Variants in CFAP46 observed in about 807,000 individuals in gnomAD.
CFAP46 encodes cilia and flagella associated protein 46.
Under a neutral mutation model 325.7 loss-of-function variants are expected in CFAP46, and 245 were observed. The ratio of observed to expected loss-of-function variants is 0.75; its 90% CI spans 0.68 to 0.84. CFAP46 has a LOEUF of 0.84. CFAP46 is among the 40% of genes least tolerant of loss of function. The pLI is 0.00. For missense variants in CFAP46, 3,346 were observed against 3,543.0 expected (o/e 0.94, Z 1.41); for synonymous variants, 1,523 against 1,495.9 (o/e 1.02, Z -0.42).
intron 11 of CFAP46, among the ~76,000 whole-genome samples, chr10:132,924,116 G>A (rs1240564732): frequency 2.0e-5 from 3 of 151,996 alleles, no homozygotes; most frequent in South Asian, 2.1e-4. Flanking sequence ...GCCACCCTGG[G>A]CCCAGGCTCT....
Position 132,924,906 on chromosome 10 carries a change from G to C in CFAP46, c.1066-20C>G. On this transcript the variant is annotated intron_variant, in intron 10 of 57. Coordinates refer to ENST00000368586, the MANE Select transcript of CFAP46 (RefSeq NM_001200049.3). Reference sequence around the variant, plus strand: ...CTGGGCCTGCGGAGAAGACGTGGGGGATTCTAGGGAGGTTGCTGGCTCGAG... The same window carrying C: ...CTGGGCCTGCGGAGAAGACGTGGGGCATTCTAGGGAGGTTGCTGGCTCGAG... 1 of 1,365,480 alleles carries C rather than the reference G, an allele frequency of 7.3e-7. No homozygotes were observed. The highest frequency in any genetic ancestry group is 9.5e-7 in the Non-Finnish European group (1 of 1,052,484). The allele number at this position is 1,365,480 out of a possible 1,614,324, so 84.6% of individuals were successfully genotyped here. A position where few individuals can be genotyped will look rare whatever the true frequency, so the allele number is the denominator to read the frequency against.
chr10:132,927,167 G>T (rs575275398), intron 9 of CFAP46, among the ~76,000 whole-genome samples: 8 of 152,188 alleles, frequency 5.3e-5, no homozygotes, highest in Non-Finnish European at 1.2e-4. Context: ...CACCCCGCTC[G>T]AGGGGTGACA....
rs1053272877 is a variant in CFAP46 at position 132,867,575 on chromosome 10, C to A, written c.4611-68G>T. 8.0e-6 allele frequency: 12 copies of A among 1,504,574 alleles called. No homozygotes were observed. In the African/African-American group the frequency reaches 1.7e-4, roughly 21 times the overall value. The allele number at this position is 1,504,574 out of a possible 1,614,324, so 93.2% of individuals were successfully genotyped here. On this transcript the variant is annotated intron_variant, in intron 33 of 57. Transcript: ENST00000368586. ...ACGAAAATGTCCCTTCACGAGTAAC[C>A]AAAGAAACGCAAACGAAAACAGCCA...
chr10:132,824,149 G>C (rs1847973153), intron 50 of CFAP46, among the ~76,000 whole-genome samples: 1 of 144,766 alleles, frequency 6.9e-6, no homozygotes, highest in South Asian at 2.3e-4. Context: ...GCTGATGTGT[G>C]CTGTGTGTGT....
chr10:132,862,096 C>T (rs1232220068), intron 35 of CFAP46, among the ~76,000 whole-genome samples: 1 of 152,234 alleles, frequency 6.6e-6, no homozygotes, highest in Non-Finnish European at 1.5e-5. Context: ...GGGCCTGGGC[C>T]CATAGCAGCC....
intron 44 of CFAP46, among the ~76,000 whole-genome samples, chr10:132,839,683 C>T (rs780068935): frequency 6.6e-6 from 1 of 152,178 alleles, no homozygotes; most frequent in Non-Finnish European, 1.5e-5. Flanking sequence ...AGGACATTTG[C>T]TTCTATCTTA....
At chr10:132,891,632 C>CT (rs893699220) in intron 25 of CFAP46, among the ~76,000 whole-genome samples, 1 of 152,202 alleles carries the variant, frequency 6.6e-6, no homozygotes, top group Admixed American at 6.5e-5. Flanking sequence ...CTCTCCAGGG[C>CT]TTTTCCCTGA....
chr10:132,908,953 G>A (rs1304688259), intron 21 of CFAP46, among the ~76,000 whole-genome samples, 184 bp downstream of exon 21: 3 of 152,250 alleles, frequency 2.0e-5, no homozygotes, highest in Non-Finnish European at 2.9e-5. Flanking sequence ...AGACAGGGAT[G>A]CTCTGAGCAT....
rs142848083 is a variant in CFAP46 at position 132,880,783 on chromosome 10, C to T, written c.3799+78G>A. On this transcript the variant is annotated intron_variant, in intron 28 of 57. Transcript: ENST00000368586. ...GCACAGACACATGGATACCCAACGGCGGTCCAGATCACGGAGCAGGAAGCA... is the reference window on the plus strand; with the variant it reads ...GCACAGACACATGGATACCCAACGGTGGTCCAGATCACGGAGCAGGAAGCA... 1,684 of 1,472,320 alleles carry T rather than the reference C, an allele frequency of 1.1e-3. 12 individuals are homozygous for T. The African/African-American group carries it at 0.02, about 17-fold the overall frequency. 91.2% of individuals were successfully genotyped at this position (1,472,320 alleles called of 1,614,324 possible).
rs560833032 is a variant in CFAP46 at position 132,821,093 on chromosome 10, G to C, written c.7118-6179C>G. 2.4e-3 allele frequency among the ~76,000 whole-genome samples: 282 copies of C among 117,332 alleles called. 2 individuals are homozygous for C. The highest frequency in any genetic ancestry group is 8.4e-3 in the African/African-American group (262 of 31,364). The allele number at this position is 117,332 out of a possible 152,430, so 77.0% of individuals were successfully genotyped here. A position where few individuals can be genotyped will look rare whatever the true frequency, so the allele number is the denominator to read the frequency against. Reference sequence around the variant, plus strand: ...GCTGATGTGTGCTGTGTGTGCTGATGTGTGCTTTGTGTGTGCTGATGTGTG... The same window carrying C: ...GCTGATGTGTGCTGTGTGTGCTGATCTGTGCTTTGTGTGTGCTGATGTGTG... On this transcript the variant is annotated intron_variant, in intron 50 of 57. Transcript: ENST00000368586.
rs762848216 is a variant in CFAP46, at chr10:132,851,302, G to C, written c.5578C>G (p.Gln1860Glu). The change falls in exon 40 of 58, where the codon CAG becomes GAG. Residue 1860 changes from glutamine to glutamate, a missense_variant. Gln to Glu is a conservative substitution (Grantham distance 29, BLOSUM62 2). Transcript: ENST00000368586. ...VQGLLSLQDL[Q>E]NVNTPLMRKL... ...CTCATCAGGGGCGTGTTGACGTTCT[G>C]CAACTGAGGGGGTCAGGCATGCCTC... 1 of 1,613,128 alleles carries C rather than the reference G, an allele frequency of 6.2e-7. No homozygotes were observed. Among genetic ancestry groups the C allele is most frequent in the African/African-American group, 1.3e-5 (1 of 75,038 alleles).
chr10:132,925,144 A>G (rs1009553132), intron 10 of CFAP46, among the ~76,000 whole-genome samples: 8 of 143,752 alleles, frequency 5.6e-5, no homozygotes, highest in Non-Finnish European at 1.1e-4. Flanking sequence ...GTGTGGACTC[A>G]GCGGGCGCTG....
At chr10:132,908,353 G>A (rs1268843408) in intron 22 of CFAP46, 115 bp downstream of exon 22, 5 of 1,300,420 alleles carry the variant, frequency 3.8e-6, no homozygotes, top group Middle Eastern at 2.2e-4. Flanking sequence ...CGCGCTCCCT[G>A]CCCGTTTTGG....
intron 11 of CFAP46, among the ~76,000 whole-genome samples, chr10:132,923,051 G>A (rs1849751244): frequency 1.3e-5 from 2 of 152,230 alleles, no homozygotes; most frequent in Admixed American, 1.3e-4. Flanking sequence ...CACGGCGGCA[G>A]GGGTCGGGGT....
chr10:132,911,472 G>A (rs1000303450), intron 19 of CFAP46, among the ~76,000 whole-genome samples: 1 of 152,160 alleles, frequency 6.6e-6, no homozygotes, highest in Admixed American at 6.5e-5. Context: ...CCGTGCCCCT[G>A]CGGAGACACT....
At chr10:132,887,161 T>TTTCAC (rs1564790329) in intron 25 of CFAP46, among the ~76,000 whole-genome samples, 1 of 33,990 alleles carries the variant, frequency 2.9e-5, no homozygotes, top group African/African-American at 2.7e-4. Context: ...CTCTCTCCTC[T>TTTCAC]CTCTTCTTTC....
rs1177569207 is a variant in CFAP46, at chr10:132,936,084, T to C, written c.755+877A>G. On this transcript the variant is annotated intron_variant, in intron 7 of 57. Transcript: ENST00000368586. ...TGTGATCTCCTCACTCCCCTCGGCA[T>C]CCAAACACACTGTGATCTCCTCACT... Among the ~76,000 whole-genome samples the C allele has an allele frequency of 1.4e-3, 51 of 35,186 alleles. 1 individual carries two copies. The highest frequency in any genetic ancestry group is 4.9e-3 in the African/African-American group (31 of 6,300). 23.1% of individuals were successfully genotyped at this position (35,186 alleles called of 152,430 possible).
rs1172229395 is a variant in CFAP46 at position 132,832,921 on chromosome 10, G to C, written c.7117+437C>G. 1 of 440,234 alleles carries C rather than the reference G, an allele frequency of 2.3e-6. No individual in the cohort carries two copies. The highest frequency in any genetic ancestry group is 4.8e-6 in the Non-Finnish European group (1 of 207,140). The allele number at this position is 440,234 out of a possible 1,614,324, so 27.3% of individuals were successfully genotyped here. On this transcript the variant is annotated intron_variant, in intron 50 of 57. Coordinates refer to ENST00000368586, the MANE Select transcript of CFAP46 (RefSeq NM_001200049.3). This position sits in a 1 kb window ranked among gnomAD's most constrained non-coding sequence, Gnocchi z 4.1. The stretch of plus-strand genomic sequence containing the variant: ...GTCTTCCCTGTGTGTTTAGCACCAG[G>C]ATACTGGCACATAGCAGGTATTTTA...
chr10:132,886,920 C>A lies in CFAP46; in HGVS notation c.3305-961G>T, dbSNP rs946705911. On this transcript the variant is annotated intron_variant, in intron 25 of 57. Transcript: ENST00000368586. The surrounding 1 kb of genome is among the most constrained non-coding windows in gnomAD (Gnocchi z 5.8). ...CGCTGCCCAGCCCAGCCTGCACACC[C>A]TTCCCCTGACGGTAATTCCCACACC... Among the ~76,000 whole-genome samples the A allele has an allele frequency of 6.6e-6, 1 of 152,100 alleles. No homozygotes were observed. Among genetic ancestry groups the A allele is most frequent in the African/African-American group, 2.4e-5 (1 of 41,378 alleles).
Sources: gnomAD v4.1 joint callset for allele counts (sites outside exome capture counted in the v4.1 genomes callset) on GRCh38, gnomAD v4.1.1 for gene constraint, Gnocchi (gnomAD v3.1) non-coding constraint, MANE v1.5 for transcripts, NCBI Gene and HGNC (gene_info 2026-07-23, HGNC 2026-07-21) for gene names.